ADAM20: variants seen among roughly 807,000 people sequenced by gnomAD.
ADAM20 encodes ADAM metallopeptidase domain 20, also known as disintegrin and metalloproteinase domain-containing protein 20.
For missense variants in ADAM20, 871 were observed against 883.2 expected (o/e 0.99, Z 0.18); for synonymous variants, 305 against 310.2 (o/e 0.98, Z 0.18).
the ADAM20 span, among the ~76,000 whole-genome samples, chr14:70,545,580 C>G: frequency 6.6e-6 from 1 of 151,952 alleles, no homozygotes; most frequent in East Asian, 1.9e-4. Context: ...ATACATATAT[C>G]AGACAAAATA....
At chr14:70,542,755 A>G in the ADAM20 span, among the ~76,000 whole-genome samples, 1 of 152,234 alleles carries the variant, frequency 6.6e-6, no homozygotes, top group African/African-American at 2.4e-5. Context: ...CCTGGCCAAC[A>G]TGGTGAAACC....
At chr14:70,545,867 CA>C in the ADAM20 span, among the ~76,000 whole-genome samples, 1 of 152,090 alleles carries the variant, frequency 6.6e-6, no homozygotes, top group South Asian at 2.1e-4. Flanking sequence ...CAAATGGACC[CA>C]AAAGACATTT....
the ADAM20 span, among the ~76,000 whole-genome samples, chr14:70,555,992 A>C: frequency 7.2e-5 from 11 of 152,308 alleles, no homozygotes; most frequent in Non-Finnish European, 2.9e-5. Context: ...CAAACCCACG[A>C]GGCAGGGCTC....
chr14:70,568,578 A>AAT, the ADAM20 span, among the ~76,000 whole-genome samples: 1 of 152,262 alleles, frequency 6.6e-6, no homozygotes, highest in African/African-American at 2.4e-5. Context: ...TAAGGATATC[A>AAT]AGGAAACTCA....
At chr14:70,532,035 G>A (rs1239145682) in intron 1 of ADAM20, among the ~76,000 whole-genome samples, 1 of 151,886 alleles carries the variant, frequency 6.6e-6, no homozygotes, top group African/African-American at 2.4e-5. Context: ...GCCCCAAACA[G>A]CCAAAACAAT....
Position 70,524,491 on chromosome 14 carries a change from C to T in ADAM20, c.267G>A (p.Val89=). Residue 89 remains valine, a synonymous_variant, in exon 2 of 2, where the codon GTG becomes GTA. Coordinates refer to ENST00000256389, the MANE Select transcript of ADAM20 (RefSeq NM_003814.5). Reference sequence around the variant, plus strand: ...GGGCATGCTGCTCTGTGTAGGTGAACACAGGAAGGTGTGCAGCAAACAACA... The same window carrying T: ...GGGCATGCTGCTCTGTGTAGGTGAATACAGGAAGGTGTGCAGCAAACAACA... ...NKLLFAAHLP[V]FTYTEQHALL... 1 of 1,614,006 alleles carries T rather than the reference C, an allele frequency of 6.2e-7. No homozygotes were observed.
At chr14:70,566,485 C>T in the ADAM20 span, among the ~76,000 whole-genome samples, 1 of 151,300 alleles carries the variant, frequency 6.6e-6, no homozygotes, top group East Asian at 1.9e-4. Context: ...AATCAAGTCA[C>T]CAAAGAAGAC....
chr14:70,536,263 C>T (rs948258965), upstream of ADAM20, among the ~76,000 whole-genome samples: 5 of 151,698 alleles, frequency 3.3e-5, no homozygotes, highest in Non-Finnish European at 5.9e-5. Flanking sequence ...GTCAGGAGTT[C>T]GAGACCAGCC....
At chr14:70,577,500 C>G in the ADAM20 span, among the ~76,000 whole-genome samples, 1 of 152,150 alleles carries the variant, frequency 6.6e-6, no homozygotes, top group Admixed American at 6.5e-5. Flanking sequence ...TACGTCCTCA[C>G]ATCATAAGAA....
At position 70,524,407 on chromosome 14, in the gene ADAM20, C is replaced by T. The variant is rs759361256; in HGVS notation, c.351G>A (p.Gly117=). The change falls in exon 2 of 2, where the codon GGG becomes GGA. Residue 117 remains glycine (G), a synonymous_variant. Transcript: ENST00000256389. The stretch of plus-strand genomic sequence containing the variant: ...TAAGGGCAACCAAGGACTCAGGGAC[C>T]CCCTCCACATAACCATGGTAGTAGC... ...DDCYYHGYVE[G]VPESLVALST... 2 of 1,613,914 alleles carry T rather than the reference C, an allele frequency of 1.2e-6. No homozygotes were observed. The highest frequency in any genetic ancestry group is 1.7e-6 in the Non-Finnish European group (2 of 1,179,900).
chr14:70,524,038 T>C lies in ADAM20; in HGVS notation c.720A>G (p.Ile240Met), dbSNP rs1051621087. 3 of 1,613,850 alleles carry C rather than the reference T, an allele frequency of 1.9e-6. No individual in the cohort carries two copies. Among genetic ancestry groups the C allele is most frequent in the East Asian group, 2.2e-5 (1 of 44,888 alleles). ...CCAAAGGATGATAGAAGGAATCCAC[T>C]ATATTGACAACGTTAAATACTTCAT... is the stretch of plus-strand genomic sequence containing the variant. ...VQHEVFNVVN[I>M]VDSFYHPLEV... Residue 240 changes from isoleucine (I) to methionine (M), a missense_variant, in exon 2 of 2, where the codon ATA becomes ATG. Coordinates refer to ENST00000256389, the MANE Select transcript of ADAM20 (RefSeq NM_003814.5).
chr14:70,556,520 T>A, the ADAM20 span: 2 of 152,164 alleles, frequency 1.3e-5, no homozygotes, highest in African/African-American at 2.4e-5. Context: ...AGCAAACTTA[T>A]GAAATCGAGC....
chr14:70,558,282 T>A, the ADAM20 span, among the ~76,000 whole-genome samples: 3 of 152,166 alleles, frequency 2.0e-5, no homozygotes, highest in Admixed American at 2.0e-4. Flanking sequence ...AAGCCCAGGA[T>A]CTCCAGTGAA....
upstream of ADAM20, among the ~76,000 whole-genome samples, chr14:70,535,602 A>G (rs1031102376): frequency 6.6e-6 from 1 of 152,222 alleles, no homozygotes; most frequent in African/African-American, 2.4e-5. Flanking sequence ...ACTTATCCTG[A>G]AAACGGATGC....
rs1293733706 is a variant in ADAM20 at position 70,524,537 on chromosome 14, A to G, written c.221T>C (p.Val74Ala). 2 of 1,614,012 alleles carry G rather than the reference A, an allele frequency of 1.2e-6. No homozygotes were observed. Among genetic ancestry groups the G allele is most frequent in the Non-Finnish European group, 1.7e-6 (2 of 1,179,938 alleles). Residue 74 changes from valine (V) to alanine (A), a missense_variant, in exon 2 of 2, where the codon GTC becomes GCC. Physicochemically the swap from Val to Ala is moderately conservative, Grantham distance 64. Transcript: ENST00000256389. ...CAACAGCTTATTTACCCTCATGTGGACAATGTATCTCTGTCCCCCAAACCG... is the reference window on the plus strand; with the variant it reads ...CAACAGCTTATTTACCCTCATGTGGGCAATGTATCTCTGTCCCCCAAACCG... ...SLRFGGQRYI[V>A]HMRVNKLLFA...
chr14:70,565,092 A>T, the ADAM20 span, among the ~76,000 whole-genome samples: 5 of 151,332 alleles, frequency 3.3e-5, no homozygotes, highest in Non-Finnish European at 5.9e-5. Context: ...TTAAATTTTT[A>T]AAATACTAGA....
upstream of ADAM20, among the ~76,000 whole-genome samples, chr14:70,538,082 G>A (rs964972793): frequency 4.0e-5 from 6 of 151,670 alleles, no homozygotes; most frequent in Non-Finnish European, 7.4e-5. Flanking sequence ...AATCCCCTCC[G>A]TATTCTCATC....
At chr14:70,525,387 G>T (rs993495335) in intron 1 of ADAM20, among the ~76,000 whole-genome samples, 1 of 151,822 alleles carries the variant, frequency 6.6e-6, no homozygotes, top group Admixed American at 6.6e-5. Context: ...TTTTCTTTTT[G>T]ATTTTTTTTG....
the ADAM20 span, among the ~76,000 whole-genome samples, chr14:70,564,576 T>C: frequency 1.1e-4 from 17 of 152,068 alleles, no homozygotes; most frequent in East Asian, 1.7e-3. Context: ...TAAATGGGAA[T>C]TTATGAAGTG....
Sources: gnomAD v4.1 joint callset for allele counts (sites outside exome capture counted in the v4.1 genomes callset) on GRCh38, gnomAD v4.1.1 for gene constraint, MANE v1.5 for transcripts, NCBI Gene and HGNC (gene_info 2026-07-23, HGNC 2026-07-21) for gene names.